Variants in USP33 observed in about 807,000 individuals in gnomAD.
USP33 encodes the protein ubiquitin carboxyl-terminal hydrolase 33.
In USP33, 46 loss-of-function variants were observed where a neutral mutation model predicts 124.2. The observed-to-expected ratio is 0.37, with a 90% CI of 0.29 to 0.47. The LOEUF (loss-of-function observed/expected upper bound fraction) is 0.47, where lower values mean the gene tolerates loss of function less well. Ranked by LOEUF, USP33 falls within the 20% of genes least tolerant of loss-of-function variation. The pLI is 0.99. For missense variants in USP33, 851 were observed against 1,070.6 expected, an observed-to-expected ratio of 0.79 and a Z score of 2.86; for synonymous variants, 350 against 352.3, an observed-to-expected ratio of 0.99 and a Z score of 0.07.
chr1:77,719,370 T>C (rs1371031003), intron 15 of USP33, among the ~76,000 whole-genome samples: 8 of 151,412 alleles, frequency 5.3e-5, no homozygotes, highest in East Asian at 3.9e-4. Flanking sequence ...AAAATAACAA[T>C]AGTAATTTAA....
chr1:77,697,266 G>A lies in USP33; in HGVS notation c.*51C>T, dbSNP rs1345929443. The A allele has an allele frequency of 2.7e-6, 4 of 1,502,942 alleles. No individual in the cohort carries two copies. The African/African-American group carries it at 5.6e-5, about 21-fold the overall frequency. 93.1% of individuals were successfully genotyped at this position (1,502,942 alleles called of 1,614,324 possible). On this transcript the variant is annotated 3_prime_UTR_variant, in exon 24 of 24. Transcript: ENST00000370794. ...TAGGAATGTTTTCGCATGTGTACAT[G>A]TCAGGGCACATGAAAATGATTCCTC...
At chr1:77,729,116 G>A (rs1677495458) in intron 9 of USP33, among the ~76,000 whole-genome samples, 1 of 152,086 alleles carries the variant, frequency 6.6e-6, no homozygotes, top group Admixed American at 6.6e-5. Context: ...ATGTTACCCA[G>A]GCTGGTCTCA....
chr1:77,706,398 C>T (rs1435824055), intron 21 of USP33, among the ~76,000 whole-genome samples: 1 of 152,154 alleles, frequency 6.6e-6, no homozygotes, highest in African/African-American at 2.4e-5. Flanking sequence ...TGTTTACTTA[C>T]TGAGTTGTAT....
chr1:77,703,559 G>C (rs1247193499), intron 21 of USP33, among the ~76,000 whole-genome samples: 3 of 152,190 alleles, frequency 2.0e-5, no homozygotes, highest in Non-Finnish European at 4.4e-5. Context: ...GGGACGAGAA[G>C]GTTGCAGTGG....
intron 21 of USP33, among the ~76,000 whole-genome samples, chr1:77,710,651 G>T (rs1203432959): frequency 1.3e-5 from 2 of 152,190 alleles, no homozygotes; most frequent in Non-Finnish European, 2.9e-5. Flanking sequence ...GCAGGTGTGT[G>T]TGTGTGTCTA....
Position 77,700,514 on chromosome 1 carries a change from T to C in USP33, c.2509+855A>G, listed in dbSNP as rs1673884779. Among the ~76,000 whole-genome samples, 3 of 151,998 alleles carry C rather than the reference T, an allele frequency of 2.0e-5. No individual in the cohort carries two copies. The South Asian group carries it at 6.2e-4, about 32-fold the overall frequency. On this transcript the variant is annotated intron_variant, in intron 22 of 23. Coordinates refer to ENST00000370794, the MANE Select transcript of USP33 (RefSeq NM_201624.3). The stretch of plus-strand genomic sequence containing the variant: ...GTCCCAACTACTCAGGAGATGGAGG[T>C]AGGAGGATCGCATGGGCTGAGAGTT...
chr1:77,745,057 T>TTA (rs1679592340), intron 1 of USP33, among the ~76,000 whole-genome samples: 2 of 152,234 alleles, frequency 1.3e-5, no homozygotes, highest in Admixed American at 6.5e-5. Context: ...TGTGGGAGTC[T>TTA]AAGTCTCTTT....
chr1:77,750,543 G>A (rs1428719091), intron 1 of USP33, among the ~76,000 whole-genome samples: 1 of 149,824 alleles, frequency 6.7e-6, no homozygotes, highest in Non-Finnish European at 1.5e-5. Context: ...AATCCCTTGA[G>A]CCCAGGAGGC....
At position 77,750,660 on chromosome 1, in the gene USP33, GAA is replaced by G. The variant is rs200091698; in HGVS notation, c.-51-8914_-51-8913del. Among the ~76,000 whole-genome samples, 6 of 149,284 alleles carry G rather than the reference GAA, an allele frequency of 4.0e-5. No homozygotes were observed. The East Asian group carries it at 1.2e-3, about 30-fold the overall frequency. ...AGAAAGAAAGAAAGAAAGAAAGAAA[GAA>G]AGAAAGAAAGAAAGAAAGAAAGAAA... On this transcript the variant is annotated intron_variant, in intron 1 of 23. Coordinates refer to ENST00000370794, the MANE Select transcript of USP33 (RefSeq NM_201624.3).
At chr1:77,705,121 A>AC (rs1233267272) in intron 21 of USP33, among the ~76,000 whole-genome samples, 3 of 122,326 alleles carry the variant, frequency 2.5e-5, no homozygotes, top group African/African-American at 1.2e-4. Flanking sequence ...TTTGTTTAAA[A>AC]AAAAAAGGGG....
rs777564221 is a variant in USP33, at chr1:77,736,177, T to C, written c.352-19A>G. The C allele has an allele frequency of 3.6e-5, 55 of 1,537,902 alleles. No homozygotes were observed. The highest frequency in any genetic ancestry group is 4.6e-5 in the Non-Finnish European group (51 of 1,118,486). ...TAAAATCCTTGATAACAAAAAAAGA[T>C]AGCACACTTGAACAAATCCTTAAAT... On this transcript the variant is annotated intron_variant, in intron 5 of 23. Coordinates refer to ENST00000370794, the MANE Select transcript of USP33 (RefSeq NM_201624.3).
chr1:77,738,005 C>T (rs1415515983), intron 5 of USP33, among the ~76,000 whole-genome samples: 1 of 152,120 alleles, frequency 6.6e-6, no homozygotes, highest in Non-Finnish European at 1.5e-5. Context: ...TTCATACTAT[C>T]TGGACTTTTG....
At chr1:77,750,612 AC>A (rs1200817792) in intron 1 of USP33, among the ~76,000 whole-genome samples, 1 of 145,900 alleles carries the variant, frequency 6.9e-6, no homozygotes, top group Non-Finnish European at 1.5e-5. Flanking sequence ...ACACAGCAAG[AC>A]CCTGACTTAA....
At chr1:77,719,856 G>GAAAAAA (rs554573074) in intron 15 of USP33, among the ~76,000 whole-genome samples, 1 of 100,226 alleles carries the variant, frequency 1.0e-5, no homozygotes. Flanking sequence ...TCCCTCTCAA[G>GAAAAAA]AAAAAAAAAA....
At chr1:77,700,948 G>A (rs1035375622) in intron 22 of USP33, among the ~76,000 whole-genome samples, 1 of 151,990 alleles carries the variant, frequency 6.6e-6, no homozygotes, top group Non-Finnish European at 1.5e-5. Context: ...ATCCACCCAC[G>A]TCAGCCTCCC....
At chr1:77,759,540 G>A in intron 1 of USP33, 103 bp downstream of exon 1, 1 of 398,086 alleles carries the variant, frequency 2.5e-6, no homozygotes, top group Non-Finnish European at 4.4e-6. Flanking sequence ...GGCTGCTGCA[G>A]CGGCCGCAAC....
At chr1:77,704,507 C>T (rs1570730293) in intron 21 of USP33, among the ~76,000 whole-genome samples, 1 of 152,176 alleles carries the variant, frequency 6.6e-6, no homozygotes, top group East Asian at 1.9e-4. Flanking sequence ...TAGTTAAGCA[C>T]AGTTACCTCA....
In USP33 at chr1:77,725,854, A is replaced by G; in HGVS notation, c.1136-92T>C. 5.9e-6 allele frequency: 7 copies of G among 1,187,736 alleles called. No individual in the cohort carries two copies. In the East Asian group the frequency reaches 1.9e-4, roughly 32 times the overall value. The allele number at this position is 1,187,736 out of a possible 1,614,324, so 73.6% of individuals were successfully genotyped here. A position where few individuals can be genotyped will look rare whatever the true frequency, so the allele number is the denominator to read the frequency against. On this transcript the variant is annotated intron_variant, in intron 10 of 23. Coordinates refer to ENST00000370794, the MANE Select transcript of USP33 (RefSeq NM_201624.3). ...AAAGGTTTCTTAATTTGATATTTTG[A>G]ACACAATCATATTAACAAATGTCAA...
chr1:77,756,004 C>A (rs999295222), intron 1 of USP33, among the ~76,000 whole-genome samples: 4 of 152,300 alleles, frequency 2.6e-5, no homozygotes, highest in African/African-American at 9.6e-5. Flanking sequence ...TTTTCACTTT[C>A]CTTAAAAAAC....
Sources: allele counts gnomAD v4.1 joint callset (sites outside exome capture counted in the v4.1 genomes callset), GRCh38; gene constraint gnomAD v4.1.1; transcripts MANE v1.5; gene names NCBI Gene and HGNC (gene_info 2026-07-23, HGNC 2026-07-21).